Variants in ZFPM2 observed in about 807,000 individuals in gnomAD.
ZFPM2 encodes zinc finger protein, FOG family member 2.
In ZFPM2, 20 loss-of-function variants were observed where a neutral mutation model predicts 98.6. The ratio of observed to expected loss-of-function variants is 0.20; its 90% CI spans 0.14 to 0.29. The LOEUF (loss-of-function observed/expected upper bound fraction) is 0.29, where lower values mean the gene tolerates loss of function less well. ZFPM2 is among the 10% of genes least tolerant of loss of function. The pLI is 1.00. For missense variants in ZFPM2, 1,310 were observed against 1,388.6 expected, an observed-to-expected ratio of 0.94 and a Z score of 0.90; for synonymous variants, 518 against 502.7, an observed-to-expected ratio of 1.03 and a Z score of -0.41.
intron 1 of ZFPM2, among the ~76,000 whole-genome samples, chr8:105,336,728 A>G (rs1419805711): frequency 1.3e-5 from 2 of 150,294 alleles, no homozygotes; most frequent in African/African-American, 4.9e-5. Flanking sequence ...ACACACACAC[A>G]CAGACATATA....
intron 4 of ZFPM2, among the ~76,000 whole-genome samples, chr8:105,595,631 T>G (rs1219468817): frequency 6.6e-6 from 1 of 152,058 alleles, no homozygotes; most frequent in Non-Finnish European, 1.5e-5. Context: ...CAATATCGGG[T>G]GAAACACGGC....
intron 1 of ZFPM2, among the ~76,000 whole-genome samples, chr8:105,378,558 G>A (rs1810777113): frequency 6.6e-6 from 1 of 152,130 alleles, no homozygotes; most frequent in Non-Finnish European, 1.5e-5. Flanking sequence ...TCTACAAATA[G>A]TTGGAGGACG....
chr8:105,373,116 T>C (rs1810656611), intron 1 of ZFPM2, among the ~76,000 whole-genome samples: 1 of 152,220 alleles, frequency 6.6e-6, no homozygotes, highest in African/African-American at 2.4e-5. Flanking sequence ...AGGAGACCTC[T>C]TGTTGGCAAA....
chr8:105,417,102 T>C (rs996468243), intron 1 of ZFPM2, among the ~76,000 whole-genome samples: 5 of 151,714 alleles, frequency 3.3e-5, no homozygotes, highest in African/African-American at 1.2e-4. Flanking sequence ...CAAGCTGTGA[T>C]TGCACCTCTG....
chr8:105,748,286 A>G (rs1812395398), intron 5 of ZFPM2, among the ~76,000 whole-genome samples: 1 of 152,060 alleles, frequency 6.6e-6, no homozygotes, highest in African/African-American at 2.4e-5. Context: ...AAAATAGTTT[A>G]AAACAGTCCT....
chr8:105,569,073 G>A (rs1266937848), intron 4 of ZFPM2, among the ~76,000 whole-genome samples: 3 of 151,758 alleles, frequency 2.0e-5, no homozygotes, highest in Non-Finnish European at 2.9e-5. Context: ...CTTCTCTGAA[G>A]CCTCCTGTCT....
At chr8:105,636,774 A>G (rs1816855347) in intron 5 of ZFPM2, among the ~76,000 whole-genome samples, 1 of 152,204 alleles carries the variant, frequency 6.6e-6, no homozygotes, top group Admixed American at 6.5e-5. Flanking sequence ...AATTGCTGCT[A>G]TTCAATAATG....
intron 1 of ZFPM2, among the ~76,000 whole-genome samples, chr8:105,393,337 CCTTTCTTTCTTTCTTTCTTT>C (rs1196120373): frequency 0.044 from 5,039 of 114,832 alleles, 240 homozygotes; most frequent in Non-Finnish European, 0.057. Flanking sequence ...TCTCTCTTTG[CCTTTCTTTCTTTCTTTCTTT>C]CTTTCTTTCT....
intron 3 of ZFPM2, among the ~76,000 whole-genome samples, chr8:105,530,403 G>A (rs1356301685): frequency 6.6e-6 from 1 of 152,098 alleles, no homozygotes; most frequent in Non-Finnish European, 1.5e-5. Context: ...TCTGGCGGCC[G>A]TAACTAAAGA....
At chr8:105,610,362 T>C (rs1472043894) in intron 4 of ZFPM2, among the ~76,000 whole-genome samples, 1 of 152,118 alleles carries the variant, frequency 6.6e-6, no homozygotes, top group African/African-American at 2.4e-5. Context: ...TCACTGATGG[T>C]CTAGGGTTCT....
intron 2 of ZFPM2, among the ~76,000 whole-genome samples, chr8:105,428,010 C>T (rs16873018): frequency 1.3e-5 from 2 of 152,262 alleles, no homozygotes; most frequent in South Asian, 2.1e-4. Flanking sequence ...CTTCCAGAGG[C>T]TCAGCAACTT....
At chr8:105,590,055 C>A (rs994871227) in intron 4 of ZFPM2, among the ~76,000 whole-genome samples, 4 of 152,128 alleles carry the variant, frequency 2.6e-5, no homozygotes, top group Admixed American at 6.6e-5. Flanking sequence ...TTGTTTACAG[C>A]TGCATATGCT....
At chr8:105,475,163 G>T (rs1437664286) in intron 3 of ZFPM2, among the ~76,000 whole-genome samples, 5 of 152,200 alleles carry the variant, frequency 3.3e-5, no homozygotes, top group Admixed American at 6.5e-5. Flanking sequence ...AAATATTTAG[G>T]TTAAAAACAA....
intron 5 of ZFPM2, among the ~76,000 whole-genome samples, chr8:105,653,244 C>T (rs1396379980): frequency 6.6e-6 from 1 of 152,066 alleles, no homozygotes; most frequent in Non-Finnish European, 1.5e-5. Context: ...AATGATTTTG[C>T]ACACATCCAG....
Position 105,647,394 on chromosome 8 carries a change from A to T in ZFPM2, c.532+13037A>T, listed in dbSNP as rs183493517. On this transcript the variant is annotated intron_variant, in intron 5 of 7. Transcript: ENST00000407775. ...TTGCTCTTTTTTTTTCTTTTTTATT[A>T]TACTTTAAGTTCGAGGGTACATATG... 1.4e-4 allele frequency among the ~76,000 whole-genome samples: 21 copies of T among 151,564 alleles called. No individual in the cohort carries two copies. In the East Asian group the frequency reaches 3.7e-3, roughly 27 times the overall value.
At chr8:105,458,496 T>A (rs1812641934) in intron 3 of ZFPM2, among the ~76,000 whole-genome samples, 1 of 152,180 alleles carries the variant, frequency 6.6e-6, no homozygotes, top group Non-Finnish European at 1.5e-5. Flanking sequence ...TTTTTGAACA[T>A]TGTATTAATA....
rs79130597 is a variant in ZFPM2 at position 105,509,639 on chromosome 8, G to A, written c.302-51724G>A. ...CTTAATAGTTGAGGAGTCAATAAAT[G>A]GCTCCCATGAGCTTCATTAAGGTTC... is the stretch of plus-strand genomic sequence containing the variant. On this transcript the variant is annotated intron_variant, in intron 3 of 7. Coordinates refer to ENST00000407775, the MANE Select transcript of ZFPM2 (RefSeq NM_012082.4). Among the ~76,000 whole-genome samples, 640 of 152,126 alleles carry A rather than the reference G, an allele frequency of 4.2e-3. 6 individuals are homozygous for A. Among genetic ancestry groups the A allele is most frequent in the African/African-American group, 0.015 (607 of 41,504 alleles).
At chr8:105,786,461 T>C (rs1813419516) in intron 5 of ZFPM2, among the ~76,000 whole-genome samples, 1 of 152,010 alleles carries the variant, frequency 6.6e-6, no homozygotes. Flanking sequence ...AACGAATGAT[T>C]TGAAAGATTA....
intron 1 of ZFPM2, among the ~76,000 whole-genome samples, chr8:105,324,456 C>T (rs571923348): frequency 6.6e-6 from 1 of 151,772 alleles, no homozygotes; most frequent in Admixed American, 6.6e-5. Flanking sequence ...AACTAATTAG[C>T]TCTTTTTTCA....
Sources: gnomAD v4.1 joint callset for allele counts (sites outside exome capture counted in the v4.1 genomes callset) on GRCh38, gnomAD v4.1.1 for gene constraint, MANE v1.5 for transcripts, NCBI Gene and HGNC (gene_info 2026-07-23, HGNC 2026-07-21) for gene names.